The following FCSK variants were observed in gnomAD, a reference collection of about 807,000 sequenced individuals.
The protein encoded by FCSK is L-fucose kinase.
Under a neutral mutation model 122.5 loss-of-function variants are expected in FCSK, and 123 were observed. The observed-to-expected ratio is 1.00, with a 90% CI of 0.87 to 1.17. FCSK has a LOEUF of 1.17. Ranked by LOEUF, FCSK falls within the 50% of genes most tolerant of loss-of-function variation. The probability of loss-of-function intolerance (pLI) is 0.00; values close to 1 mark genes in which losing one functional copy is unlikely to be tolerated. For missense variants in FCSK, 1,366 were observed against 1,450.4 expected (o/e 0.94, Z 0.95); for synonymous variants, 620 against 625.5 (o/e 0.99, Z 0.13).
chr16:70,470,956 T>C lies in FCSK; in HGVS notation c.1069-15T>C. 1 of 1,564,970 alleles carries C rather than the reference T, an allele frequency of 6.4e-7. No homozygotes were observed. The highest frequency in any genetic ancestry group is 2.3e-5 in the East Asian group (1 of 42,960). ...GCCTCGACCCCCCTCATGCTCCTCCTACCTGGCTGCACAGGAGCAGCAGCT... is the reference window on the plus strand; with the variant it reads ...GCCTCGACCCCCCTCATGCTCCTCCCACCTGGCTGCACAGGAGCAGCAGCT... On this transcript the variant is annotated splice_polypyrimidine_tract_variant and intron_variant, in intron 11 of 23. Transcript: ENST00000288078.
chr16:70,476,984 A>G (rs989232922), intron 20 of FCSK, among the ~76,000 whole-genome samples: 5 of 152,208 alleles, frequency 3.3e-5, no homozygotes, highest in Non-Finnish European at 5.9e-5. Context: ...TGTGTATTAC[A>G]AACTGTGCCA....
chr16:70,467,175 TC>T (rs1179824731), intron 6 of FCSK, 198 bp from the exon 7 acceptor site: 1 of 628,144 alleles, frequency 1.6e-6, no homozygotes, highest in African/African-American at 1.8e-5. Flanking sequence ...GCCCCTTCTG[TC>T]CCACAGGGCT....
intron 5 of FCSK, 33 bp downstream of exon 5, chr16:70,466,290 C>T (rs2048417413): frequency 6.2e-7 from 1 of 1,611,772 alleles, no homozygotes; most frequent in South Asian, 1.1e-5. Context: ...GGTGCCTCGT[C>T]CCAGATAGAG....
Position 70,474,607 on chromosome 16 carries a change from C to T in FCSK, c.2068C>T (p.Gln690Ter), listed in dbSNP as rs375737602. ...ILIRQAVMSA[Q>*]HFVSTEQVEL... Reference sequence around the variant, plus strand: ...GATCCGCCAGGCTGTGATGTCAGCCCAGCACTTTGTCTCCACAGAGCAGGT... The same window carrying T: ...GATCCGCCAGGCTGTGATGTCAGCCTAGCACTTTGTCTCCACAGAGCAGGT... Residue 690 changes from glutamine (Q) to a stop codon, truncating the protein, a stop_gained, in exon 17 of 24, where the codon CAG (glutamine) becomes TAG (stop). Transcript: ENST00000288078. LOFTEE classifies it high-confidence loss of function. The T allele has an allele frequency of 1.5e-5, 24 of 1,581,264 alleles. No homozygotes were observed. The African/African-American group carries it at 3.1e-4, about 20-fold the overall frequency.
intron 7 of FCSK, 132 bp downstream of exon 7, chr16:70,467,603 C>T (rs1346469140): frequency 3.0e-5 from 22 of 737,126 alleles, no homozygotes; most frequent in Non-Finnish European, 4.0e-5. Flanking sequence ...GAGTTTCCTC[C>T]GTGGCAGTGG....
rs766251836 is a variant in FCSK, at chr16:70,472,995, G to C, written c.1419G>C (p.Leu473=). The C allele has an allele frequency of 6.2e-7, 1 of 1,602,830 alleles. No individual in the cohort carries two copies. Among genetic ancestry groups the C allele is most frequent in the Non-Finnish European group, 8.5e-7 (1 of 1,175,256 alleles). ...CTCCCCACATCAGAGCCTGGGACCTGTGGGACCCTGAGACGCTGCCCGCAG... is the reference window on the plus strand; with the variant it reads ...CTCCCCACATCAGAGCCTGGGACCTCTGGGACCCTGAGACGCTGCCCGCAG... ...FKRTGVRAWD[L]WDPETLPAEY... The change falls in exon 15 of 24, where the codon CTG becomes CTC. Residue 473 remains leucine, a synonymous_variant. Transcript: ENST00000288078.
At chr16:70,458,909 C>G (rs2048175950) in intron 1 of FCSK, among the ~76,000 whole-genome samples, 1 of 151,864 alleles carries the variant, frequency 6.6e-6, no homozygotes, top group African/African-American at 2.4e-5. Context: ...CAAGTGGACC[C>G]TGTAGTGGGG....
chr16:70,468,939 G>A lies in FCSK; in HGVS notation c.754G>A (p.Gly252Ser), dbSNP rs1283876495. 6.2e-7 allele frequency: 1 copy of A among 1,613,672 alleles called. No individual in the cohort carries two copies. Among genetic ancestry groups the A allele is most frequent in the East Asian group, 2.2e-5 (1 of 44,894 alleles). Residue 252 changes from glycine to serine, a missense_variant, in exon 9 of 24, where the codon GGC (glycine) becomes AGC (serine). Coordinates refer to ENST00000288078, the MANE Select transcript of FCSK (RefSeq NM_145059.3). ...GCCCCTGGATGCCTGCACCTACCTA[G>A]GCTTGGACTCCGGAGCCCGGCCTGT... The part of the protein sequence containing the change: ...SPPLDACTYL[G>S]LDSGARPVQL...
rs2048687552 is a variant in FCSK, at chr16:70,473,194, G to GCTGC, written c.1620_1623dup (p.Thr542CysfsTer17). 6.5e-7 allele frequency: 1 copy of GCTGC among 1,538,362 alleles called. No individual in the cohort carries two copies. Reference sequence around the variant, plus strand: ...GCAGCTGCAGCCGTGCCTGGATCGGGCTGCCACGCTGGCCTCTCGCCGGGA... The same window carrying GCTGC: ...GCAGCTGCAGCCGTGCCTGGATCGGGCTGCCTGCCACGCTGGCCTCTCGCCGGGA... On this transcript the variant is annotated frameshift_variant, in exon 15 of 24. Coordinates refer to ENST00000288078, the MANE Select transcript of FCSK (RefSeq NM_145059.3). LOFTEE classifies it high-confidence loss of function. The surrounding 1 kb of genome is among the most constrained non-coding windows in gnomAD (Gnocchi z 4.9).
At chr16:70,468,067 G>A (rs2048481584) in intron 8 of FCSK, 101 bp downstream of exon 8, 4 of 863,074 alleles carry the variant, frequency 4.6e-6, no homozygotes, top group Non-Finnish European at 7.7e-6. Context: ...TCCAGGACAA[G>A]CTAGAGCTAG....
rs1167894422 is a variant in FCSK, at chr16:70,475,346, G to A, written c.2378-4G>A. ...ATTCCTTTCTCATGCCTGTCCTTCT[G>A]CAGGGGCCCTGCTGAAGGCGGCCTT... On this transcript the variant is annotated splice_region_variant and splice_polypyrimidine_tract_variant and intron_variant, in intron 18 of 23. Coordinates refer to ENST00000288078, the MANE Select transcript of FCSK (RefSeq NM_145059.3). 3.7e-6 allele frequency: 6 copies of A among 1,609,310 alleles called. No individual in the cohort carries two copies. Among genetic ancestry groups the A allele is most frequent in the African/African-American group, 1.3e-5 (1 of 74,916 alleles).
chr16:70,473,025 C>G lies in FCSK; in HGVS notation c.1449C>G (p.Tyr483Ter), dbSNP rs1214436759. ...ACCCTGAGACGCTGCCCGCAGAGTA[C>G]TGCCTTCCCAGCGCCCGCCTCTTTC... The part of the protein sequence containing the change: ...LWDPETLPAE[Y>*]CLPSARLFPV... The change falls in exon 15 of 24, where the codon TAC (tyrosine) becomes TAG (stop). Residue 483 changes from tyrosine (Y) to a stop codon, truncating the protein, a stop_gained. Transcript: ENST00000288078. LOFTEE classifies it high-confidence loss of function. This position sits in a 1 kb window ranked among gnomAD's most constrained non-coding sequence, Gnocchi z 4.9. 1.9e-6 allele frequency: 3 copies of G among 1,597,074 alleles called. No individual in the cohort carries two copies. The highest frequency in any genetic ancestry group is 1.7e-6 in the Non-Finnish European group (2 of 1,172,584).
rs2048382643 is a variant in FCSK at position 70,465,266 on chromosome 16, G to A, written c.285+90G>A. On this transcript the variant is annotated intron_variant, in intron 4 of 23. Transcript: ENST00000288078. ...GACTTCAGGGGTGTTCTGCCACTGT[G>A]TGTGTGCAAGATGAAATCTGAAAGA... The A allele has an allele frequency of 3.2e-6, 4 of 1,246,620 alleles. No individual in the cohort carries two copies. The South Asian group carries it at 5.7e-5, about 18-fold the overall frequency. 77.2% of individuals were successfully genotyped at this position (1,246,620 alleles called of 1,614,324 possible).
At position 70,475,658 on chromosome 16, in the gene FCSK, C is replaced by A; in HGVS notation, c.2532C>A (p.Ser844Arg). ...LPHGSGLGTS[S>R]ILAGTALAAL... Reference sequence around the variant, plus strand: ...CTCTCCGCCCTGCAGGCACCAGCAGCATCCTGGCAGGCACTGCCCTGGCTG... The same window carrying A: ...CTCTCCGCCCTGCAGGCACCAGCAGAATCCTGGCAGGCACTGCCCTGGCTG... Residue 844 changes from serine (S) to arginine (R), a missense_variant, in exon 20 of 24, where the codon AGC becomes AGA. Coordinates refer to ENST00000288078, the MANE Select transcript of FCSK (RefSeq NM_145059.3). The A allele has an allele frequency of 6.3e-7, 1 of 1,596,500 alleles. No individual in the cohort carries two copies. Among genetic ancestry groups the A allele is most frequent in the Non-Finnish European group, 8.5e-7 (1 of 1,170,072 alleles).
intron 1 of FCSK, among the ~76,000 whole-genome samples, chr16:70,460,987 C>T (rs543356606): frequency 1.3e-5 from 2 of 152,326 alleles, no homozygotes; most frequent in South Asian, 2.1e-4. Context: ...GGAGCCTTCA[C>T]CCTCAAGTGC....
chr16:70,477,927 C>T, intron 20 of FCSK: 1 of 224,864 alleles, frequency 4.4e-6, no homozygotes, highest in Admixed American at 5.2e-5. Flanking sequence ...AAATGATCTG[C>T]CCGCCTTAGC....
Position 70,464,847 on chromosome 16 carries a change from C to G in FCSK, c.235-279C>G, listed in dbSNP as rs551928771. Among the ~76,000 whole-genome samples the G allele has an allele frequency of 5.9e-5, 9 of 152,228 alleles. No homozygotes were observed. In the South Asian group the frequency reaches 1.9e-3, roughly 32 times the overall value. On this transcript the variant is annotated intron_variant, in intron 3 of 23. Transcript: ENST00000288078. The stretch of plus-strand genomic sequence containing the variant: ...GAGCTGGGATCATACCACTGCACTC[C>G]AGACTGGGTGACAGAGTGAGACCCT...
At chr16:70,470,462 G>T (rs1358375156) in intron 11 of FCSK, 36 bp downstream of exon 11, 2 of 1,345,560 alleles carry the variant, frequency 1.5e-6, no homozygotes, top group South Asian at 1.2e-5. Flanking sequence ...CCTGCTGGTT[G>T]TCTGGGGTCA....
chr16:70,467,923 C>G lies in FCSK; in HGVS notation c.620C>G (p.Ala207Gly), dbSNP rs1290599760. The part of the protein sequence containing the change: ...VLDIYYQGTE[A>G]EIQRCVRPDG... The stretch of plus-strand genomic sequence containing the variant: ...GACATTTACTACCAGGGCACTGAGG[C>G]AGAGATTCAGCGGTGTGTCAGGCCT... Residue 207 changes from alanine to glycine, a missense_variant, in exon 8 of 24, where the codon GCA becomes GGA. Ala to Gly is a moderately conservative substitution (Grantham distance 60). Coordinates refer to ENST00000288078, the MANE Select transcript of FCSK (RefSeq NM_145059.3). 1 of 1,614,172 alleles carries G rather than the reference C, an allele frequency of 6.2e-7. No individual in the cohort carries two copies. Among genetic ancestry groups the G allele is most frequent in the East Asian group, 2.2e-5 (1 of 44,872 alleles).
Sources: allele counts gnomAD v4.1 joint callset (sites outside exome capture counted in the v4.1 genomes callset), GRCh38; gene constraint gnomAD v4.1.1; non-coding constraint Gnocchi (gnomAD v3.1); transcripts MANE v1.5; gene names NCBI Gene and HGNC (gene_info 2026-07-23, HGNC 2026-07-21).